The following CSMD1 variants were observed in gnomAD, a reference collection of about 807,000 sequenced individuals.
CSMD1 encodes CUB and Sushi multiple domains 1, also known as CUB and sushi domain-containing protein 1.
Under a neutral mutation model 417.5 loss-of-function variants are expected in CSMD1, and 213 were observed. The ratio of observed to expected loss-of-function variants is 0.51; its 90% confidence interval spans 0.46 to 0.57. CSMD1 has a LOEUF of 0.57. CSMD1 is among the 20% of genes least tolerant of loss of function. CSMD1 has a pLI of 0.00. For missense variants in CSMD1, 6,923 were observed against 4,529.7 expected (o/e 1.53, Z -15.17); for synonymous variants, 2,862 against 1,736.8 (o/e 1.65, Z -16.11).
chr8:3,125,341 G>A (rs1186517860), intron 41 of CSMD1, among the ~76,000 whole-genome samples: 1 of 152,194 alleles, frequency 6.6e-6, no homozygotes, highest in Non-Finnish European at 1.5e-5. Flanking sequence ...GGCGAAGGAG[G>A]CGTCAATCTG....
At position 3,284,331 on chromosome 8, in the gene CSMD1, A is replaced by T. The variant is rs143206088; in HGVS notation, c.3966T>A (p.Val1322=). Residue 1322 remains valine, a synonymous_variant, in exon 26 of 70, where the codon GTT becomes GTA. Coordinates refer to ENST00000635120, the MANE Select transcript of CSMD1 (RefSeq NM_033225.6). ...TGTCGTGAGCCATCTCCGTGTCGAA[A>T]ACAATGAAATGGAGGCTGCAAGAGA... ...PGKTISLHFI[V]FDTEMAHDIL... is the part of the protein sequence containing the mutation. 1 of 1,613,640 alleles carries T rather than the reference A, an allele frequency of 6.2e-7. No individual in the cohort carries two copies. Among genetic ancestry groups the T allele is most frequent in the Non-Finnish European group, 8.5e-7 (1 of 1,179,776 alleles).
At chr8:4,604,410 T>TGTGTGC (rs59349269) in intron 2 of CSMD1, among the ~76,000 whole-genome samples, 42 of 146,228 alleles carry the variant, frequency 2.9e-4, no homozygotes, top group African/African-American at 9.0e-4. Flanking sequence ...TGTGTGTGTG[T>TGTGTGC]GCGCGTGCGT....
intron 21 of CSMD1, among the ~76,000 whole-genome samples, 167 bp downstream of exon 21, chr8:3,358,985 G>A (rs1349214676): frequency 6.6e-6 from 1 of 152,096 alleles, no homozygotes; most frequent in Non-Finnish European, 1.5e-5. Flanking sequence ...CAAGCCCAGA[G>A]CAGTTAGGCA....
At chr8:4,647,010 G>C (rs994982680) in intron 1 of CSMD1, among the ~76,000 whole-genome samples, 4 of 152,274 alleles carry the variant, frequency 2.6e-5, no homozygotes, top group African/African-American at 7.2e-5. Flanking sequence ...AACAGCCAAG[G>C]TGCTGACACG....
At chr8:3,331,302 T>G (rs1050709887) in intron 23 of CSMD1, among the ~76,000 whole-genome samples, 2 of 151,490 alleles carry the variant, frequency 1.3e-5, no homozygotes, top group Admixed American at 6.6e-5. Flanking sequence ...AGGGAGCAAC[T>G]AACGTTGATA....
intron 6 of CSMD1, among the ~76,000 whole-genome samples, chr8:3,753,115 C>T (rs1423036097): frequency 1.3e-5 from 2 of 152,152 alleles, no homozygotes; most frequent in African/African-American, 4.8e-5. Flanking sequence ...CTCTCTGGCA[C>T]ATGGCAGGTG....
chr8:3,654,815 G>A (rs1290577521), intron 7 of CSMD1, among the ~76,000 whole-genome samples: 3 of 152,120 alleles, frequency 2.0e-5, no homozygotes, highest in African/African-American at 7.2e-5. Context: ...GGCTACCATG[G>A]CGCCCAGGAT....
intron 7 of CSMD1, among the ~76,000 whole-genome samples, chr8:3,635,088 A>C (rs1796967120): frequency 6.6e-6 from 1 of 152,198 alleles, no homozygotes. Context: ...TACTTACTAT[A>C]AACAGAGCTT....
chr8:3,297,562 G>T (rs1190678795), intron 25 of CSMD1, among the ~76,000 whole-genome samples: 1 of 152,068 alleles, frequency 6.6e-6, no homozygotes, highest in Non-Finnish European at 1.5e-5. Flanking sequence ...GTGCAATAAA[G>T]AAATAAATCA....
At chr8:3,830,587 T>G (rs142707423) in intron 5 of CSMD1, among the ~76,000 whole-genome samples, 2 of 152,176 alleles carry the variant, frequency 1.3e-5, no homozygotes, top group African/African-American at 4.8e-5. Flanking sequence ...TGAAGAATGA[T>G]TGTTTGCAAG....
chr8:3,792,041 G>A (rs569154985), intron 5 of CSMD1, among the ~76,000 whole-genome samples: 43 of 152,080 alleles, frequency 2.8e-4, no homozygotes, highest in African/African-American at 9.6e-4. Context: ...ATTAACTTGG[G>A]CAACCTCAAA....
At chr8:4,044,447 G>T (rs1294952877) in intron 3 of CSMD1, among the ~76,000 whole-genome samples, 2 of 152,104 alleles carry the variant, frequency 1.3e-5, no homozygotes, top group Non-Finnish European at 2.9e-5. Context: ...CATAAAAGCT[G>T]CTTAACTCGA....
chr8:3,802,274 G>T (rs535272994), intron 5 of CSMD1, among the ~76,000 whole-genome samples: 2 of 152,048 alleles, frequency 1.3e-5, no homozygotes, highest in African/African-American at 4.8e-5. Flanking sequence ...ACATGGATGA[G>T]ATTTCTGCTA....
chr8:3,996,598 GTAAT>G (rs1815241889), intron 5 of CSMD1, among the ~76,000 whole-genome samples: 1 of 152,050 alleles, frequency 6.6e-6, no homozygotes, highest in African/African-American at 2.4e-5. Flanking sequence ...AGCGAGATAG[GTAAT>G]AATTTAAACA....
chr8:4,875,178 G>T (rs944470918), intron 1 of CSMD1, among the ~76,000 whole-genome samples: 1 of 151,808 alleles, frequency 6.6e-6, no homozygotes, highest in African/African-American at 2.4e-5. Flanking sequence ...AAAGATTCGT[G>T]TCTCTTTCTC....
At chr8:4,582,884 T>C (rs1298916363) in intron 2 of CSMD1, among the ~76,000 whole-genome samples, 1 of 152,132 alleles carries the variant, frequency 6.6e-6, no homozygotes, top group East Asian at 1.9e-4. Flanking sequence ...CAGCTGGAGT[T>C]CCGGGTGGGC....
At chr8:4,863,057 C>G (rs1802229286) in intron 1 of CSMD1, among the ~76,000 whole-genome samples, 1 of 152,008 alleles carries the variant, frequency 6.6e-6, no homozygotes. Flanking sequence ...TGTGAGGTCC[C>G]TGGTGATTCT....
At chr8:4,058,877 G>A (rs923683180) in intron 3 of CSMD1, among the ~76,000 whole-genome samples, 2 of 151,644 alleles carry the variant, frequency 1.3e-5, no homozygotes, top group African/African-American at 4.9e-5. Flanking sequence ...ACATTAGACA[G>A]ATCAACGAGA....
At chr8:4,334,200 C>A (rs542108003) in intron 3 of CSMD1, among the ~76,000 whole-genome samples, 29 of 152,172 alleles carry the variant, frequency 1.9e-4, no homozygotes, top group Middle Eastern at 3.4e-3. Context: ...AGCCACCATG[C>A]CTGGCCCTTA....
Sources: gnomAD v4.1 joint callset for allele counts (sites outside exome capture counted in the v4.1 genomes callset) on GRCh38, gnomAD v4.1.1 for gene constraint, MANE v1.5 for transcripts, NCBI Gene and HGNC (gene_info 2026-07-23, HGNC 2026-07-21) for gene names.